AGMO: variants seen among roughly 807,000 people sequenced by gnomAD.
AGMO encodes the protein glyceryl-ether monooxygenase.
In AGMO, 75 loss-of-function variants were observed where a neutral mutation model predicts 60.2. That is an observed-to-expected ratio of 1.25 (90% CI 1.03 to 1.51). The LOEUF (loss-of-function observed/expected upper bound fraction) is 1.51. AGMO is among the 40% of genes most tolerant of loss of function. The pLI, the probability that AGMO is intolerant of heterozygous loss-of-function variation, is 0.00. For synonymous variants in AGMO, 261 were observed against 177.1 expected, an observed-to-expected ratio of 1.47 and a Z score of -3.76; for missense variants, 763 against 525.5, an observed-to-expected ratio of 1.45 and a Z score of -4.42.
At chr7:15,461,945 A>T (rs1643525319) in intron 3 of AGMO, among the ~76,000 whole-genome samples, 1 of 152,190 alleles carries the variant, frequency 6.6e-6, no homozygotes, top group African/African-American at 2.4e-5. Context: ...CCTTTTCCTT[A>T]TTTATATACC....
chr7:15,405,323 C>G (rs1257466559), intron 5 of AGMO, among the ~76,000 whole-genome samples: 1 of 151,802 alleles, frequency 6.6e-6, no homozygotes, highest in Admixed American at 6.6e-5. Context: ...ACTGGGAAAA[C>G]AAAAATTAAT....
intron 12 of AGMO, among the ~76,000 whole-genome samples, chr7:15,244,763 T>C (rs1294574157): frequency 3.3e-5 from 5 of 152,126 alleles, no homozygotes; most frequent in Non-Finnish European, 5.9e-5. Context: ...GCCTTTCTCC[T>C]GCCTCAGCCT....
chr7:15,167,124 T>G, the AGMO span, among the ~76,000 whole-genome samples: 3 of 152,268 alleles, frequency 2.0e-5, no homozygotes, highest in Non-Finnish European at 4.4e-5. Context: ...TCATGAAAAT[T>G]TATAGCAATC....
chr7:15,161,420 C>A, the AGMO span, among the ~76,000 whole-genome samples: 99,513 of 151,268 alleles, frequency 0.66, 32,872 homozygotes, highest in Middle Eastern at 0.73. Context: ...CTCTCTCTCT[C>A]TATATATAAA....
intron 12 of AGMO, among the ~76,000 whole-genome samples, chr7:15,232,364 C>A (rs762056446): frequency 1.3e-5 from 2 of 152,176 alleles, no homozygotes; most frequent in Non-Finnish European, 2.9e-5. Flanking sequence ...TAAAAGATAG[C>A]TTTTCCCTTT....
intron 12 of AGMO, among the ~76,000 whole-genome samples, chr7:15,348,444 G>C (rs977625812): frequency 3.9e-5 from 6 of 152,070 alleles, no homozygotes; most frequent in African/African-American, 1.4e-4. Context: ...AATGATTTCA[G>C]GATCAAATGA....
At chr7:15,119,793 A>G in the AGMO span, among the ~76,000 whole-genome samples, 1 of 152,058 alleles carries the variant, frequency 6.6e-6, no homozygotes, top group African/African-American at 2.4e-5. Context: ...TGAGCTAATT[A>G]TTTTATATCT....
At chr7:15,220,495 G>C (rs1472900132) in intron 12 of AGMO, among the ~76,000 whole-genome samples, 1 of 151,796 alleles carries the variant, frequency 6.6e-6, no homozygotes, top group African/African-American at 2.4e-5. Flanking sequence ...TAGGATTACA[G>C]GGGTGAGCCA....
the AGMO span, among the ~76,000 whole-genome samples, chr7:15,178,766 C>A: frequency 4.6e-5 from 7 of 152,252 alleles, no homozygotes; most frequent in African/African-American, 1.7e-4. Context: ...AGTCCATTTT[C>A]TGCTGCTATC....
rs752688754 is a variant in AGMO, at chr7:15,390,825, A to G, written c.742+15T>C. 7 of 1,596,758 alleles carry G rather than the reference A, an allele frequency of 4.4e-6. No homozygotes were observed. The highest frequency in any genetic ancestry group is 3.4e-5 in the Admixed American group (2 of 59,542). ...GAGCTGATTTAATTTTTTGATTTTA[A>G]TACATTTTACTTACCAAAAATTTTA... On this transcript the variant is annotated intron_variant, in intron 7 of 12. Coordinates refer to ENST00000342526, the MANE Select transcript of AGMO (RefSeq NM_001004320.2).
chr7:15,461,961 T>C (rs770507527), intron 3 of AGMO, among the ~76,000 whole-genome samples: 2 of 152,134 alleles, frequency 1.3e-5, no homozygotes, highest in Non-Finnish European at 2.9e-5. Flanking sequence ...ATACCACAAA[T>C]GGTCCAAATA....
At chr7:15,166,136 A>G in the AGMO span, among the ~76,000 whole-genome samples, 1 of 152,098 alleles carries the variant, frequency 6.6e-6, no homozygotes, top group Non-Finnish European at 1.5e-5. Context: ...AGCCTATTAT[A>G]TCGATTCTAG....
At chr7:15,520,748 G>T (rs751310870) in intron 3 of AGMO, among the ~76,000 whole-genome samples, 1 of 152,108 alleles carries the variant, frequency 6.6e-6, no homozygotes, top group Non-Finnish European at 1.5e-5. Flanking sequence ...GAGAAAGTAT[G>T]AAATATCTAA....
intron 10 of AGMO, among the ~76,000 whole-genome samples, chr7:15,368,842 T>TA (rs1783090064): frequency 1.3e-5 from 2 of 149,978 alleles, no homozygotes; most frequent in Non-Finnish European, 3.0e-5. Flanking sequence ...AATAACTCTT[T>TA]ACCAAACTGC....
chr7:15,294,553 A>G (rs1215945936), intron 12 of AGMO, among the ~76,000 whole-genome samples: 3 of 152,030 alleles, frequency 2.0e-5, no homozygotes, highest in Non-Finnish European at 4.4e-5. Context: ...TGTGTGCGAC[A>G]TGTATTTTTA....
chr7:15,249,549 A>C (rs1008659003), intron 12 of AGMO, among the ~76,000 whole-genome samples: 5 of 152,200 alleles, frequency 3.3e-5, no homozygotes, highest in Admixed American at 2.6e-4. Flanking sequence ...GGATATTTAA[A>C]AAGGTAATTC....
the AGMO span, among the ~76,000 whole-genome samples, chr7:15,143,174 C>T: frequency 5.6e-3 from 856 of 152,232 alleles, 10 homozygotes; most frequent in African/African-American, 0.019. Flanking sequence ...CAGTTTTCTC[C>T]AAGGATTTGG....
chr7:15,412,443 G>A (rs891892930), intron 5 of AGMO, among the ~76,000 whole-genome samples: 1 of 151,892 alleles, frequency 6.6e-6, no homozygotes, highest in Non-Finnish European at 1.5e-5. Context: ...GAAAGACAGG[G>A]ACCACGGAAA....
At chr7:15,382,761 T>C (rs1223546134) in intron 10 of AGMO, among the ~76,000 whole-genome samples, 1 of 152,090 alleles carries the variant, frequency 6.6e-6, no homozygotes. Flanking sequence ...GAATATTCTG[T>C]TTTTTTAGAG....
Sources: gnomAD v4.1 joint callset for allele counts (sites outside exome capture counted in the v4.1 genomes callset) on GRCh38, gnomAD v4.1.1 for gene constraint, MANE v1.5 for transcripts, NCBI Gene and HGNC (gene_info 2026-07-23, HGNC 2026-07-21) for gene names.